The following GNAQ variants were observed in gnomAD, a reference collection of about 807,000 sequenced individuals.
GNAQ encodes the protein G protein subunit alpha q.
In GNAQ, 8 loss-of-function variants were observed where a neutral mutation model predicts 43.9. That is an observed-to-expected ratio of 0.18 (90% confidence interval 0.11 to 0.33). GNAQ has a LOEUF of 0.33. Among genes scored for constraint, GNAQ ranks in the 10% least tolerant of loss-of-function variants. The probability of loss-of-function intolerance (pLI) is 1.00; values close to 1 mark genes in which losing one functional copy is unlikely to be tolerated. For missense variants in GNAQ, 158 were observed against 450.8 expected (o/e 0.35, Z 5.88); for synonymous variants, 155 against 170.7 (o/e 0.91, Z 0.71).
intron 2 of GNAQ, 100 bp from the exon 3 acceptor site, chr9:77,815,870 C>G: frequency 1.4e-6 from 1 of 714,052 alleles, no homozygotes; most frequent in Non-Finnish European, 2.4e-6. Context: ...CACCTTCCTT[C>G]ATATACTGGT....
intron 1 of GNAQ, among the ~76,000 whole-genome samples, chr9:77,998,367 T>C (rs987635033): frequency 1.3e-5 from 2 of 152,262 alleles, no homozygotes; most frequent in Admixed American, 6.5e-5. Context: ...ATGGTTTCTA[T>C]GAAATACCCA....
At chr9:77,790,758 G>A (rs557565204) in intron 5 of GNAQ, among the ~76,000 whole-genome samples, 3 of 152,270 alleles carry the variant, frequency 2.0e-5, no homozygotes, top group African/African-American at 7.2e-5. Flanking sequence ...AAGCTGGTCT[G>A]GAAGGGCAGG....
chr9:77,772,524 AT>A lies in GNAQ; in HGVS notation c.735+21938del, dbSNP rs1201153663. Among the ~76,000 whole-genome samples the A allele has an allele frequency of 2.0e-5, 3 of 152,138 alleles. No individual in the cohort carries two copies. In the East Asian group the frequency reaches 5.8e-4, roughly 29 times the overall value. ...ACATCCCCTTTCGGTGGGATTTTCC[AT>A]TTTGGAGTGGAATAGAAACTCCCTT... is the stretch of plus-strand genomic sequence containing the variant. On this transcript the variant is annotated intron_variant, in intron 5 of 6. Transcript: ENST00000286548.
intron 1 of GNAQ, among the ~76,000 whole-genome samples, chr9:78,015,429 G>A (rs970725861): frequency 6.6e-6 from 1 of 152,146 alleles, no homozygotes; most frequent in Admixed American, 6.5e-5. Context: ...TTCTGGAATA[G>A]GAGAAATTGC....
intron 1 of GNAQ, among the ~76,000 whole-genome samples, chr9:77,924,245 T>C (rs76363443): frequency 6.6e-4 from 101 of 152,294 alleles, no homozygotes; most frequent in Non-Finnish European, 1.3e-3. Context: ...CATAAAGTGG[T>C]TGAAAACTAC....
intron 1 of GNAQ, among the ~76,000 whole-genome samples, chr9:78,011,245 T>C (rs1410529759): frequency 6.6e-6 from 1 of 152,090 alleles, no homozygotes; most frequent in Non-Finnish European, 1.5e-5. Flanking sequence ...CAGCTAAAAA[T>C]AGAATATATA....
At chr9:77,920,790 T>C (rs903173631) in intron 2 of GNAQ, among the ~76,000 whole-genome samples, 1 of 152,224 alleles carries the variant, frequency 6.6e-6, no homozygotes, top group African/African-American at 2.4e-5. Flanking sequence ...AAACCAGGTA[T>C]GAAAGTATCA....
At chr9:77,754,724 G>C (rs1484668739) in intron 5 of GNAQ, among the ~76,000 whole-genome samples, 1 of 152,196 alleles carries the variant, frequency 6.6e-6, no homozygotes, top group African/African-American at 2.4e-5. Flanking sequence ...GACCCAGACA[G>C]ACAATAACAA....
intron 1 of GNAQ, among the ~76,000 whole-genome samples, chr9:78,028,164 T>C (rs1189365275): frequency 6.6e-6 from 1 of 152,202 alleles, no homozygotes; most frequent in Non-Finnish European, 1.5e-5. Context: ...CTACATAGAA[T>C]ACAAAGAGTA....
chr9:77,729,940 G>T (rs1463464030), intron 5 of GNAQ, among the ~76,000 whole-genome samples: 1 of 152,180 alleles, frequency 6.6e-6, no homozygotes, highest in Admixed American at 6.5e-5. Context: ...ATTCAACTAG[G>T]CCAATTAACT....
chr9:77,760,311 A>AT (rs1458317350), intron 5 of GNAQ, among the ~76,000 whole-genome samples: 2 of 151,760 alleles, frequency 1.3e-5, no homozygotes, highest in Non-Finnish European at 2.9e-5. Flanking sequence ...TCCCTGCCTG[A>AT]TTCTCCTGCC....
chr9:77,977,225 C>T (rs1435086878), intron 1 of GNAQ, among the ~76,000 whole-genome samples: 2 of 152,128 alleles, frequency 1.3e-5, no homozygotes, highest in Non-Finnish European at 2.9e-5. Context: ...CTCTAGTTAG[C>T]TCCTTCCCTG....
intron 1 of GNAQ, among the ~76,000 whole-genome samples, chr9:77,947,602 A>G (rs1034555514): frequency 4.6e-5 from 7 of 152,222 alleles, no homozygotes; most frequent in African/African-American, 1.7e-4. Flanking sequence ...GCTATTACCC[A>G]TACATGCCCC....
At chr9:77,814,351 A>G (rs1403114630) in intron 3 of GNAQ, among the ~76,000 whole-genome samples, 1 of 152,120 alleles carries the variant, frequency 6.6e-6, no homozygotes, top group Non-Finnish European at 1.5e-5. Flanking sequence ...GAAGAACTAT[A>G]TGAAGGTATG....
chr9:77,994,042 G>A (rs973861972), intron 1 of GNAQ, among the ~76,000 whole-genome samples: 2 of 152,092 alleles, frequency 1.3e-5, no homozygotes, highest in Non-Finnish European at 2.9e-5. Context: ...TTTGAGACAA[G>A]GTCTTACTCT....
chr9:77,984,176 C>CT (rs563210374), intron 1 of GNAQ, among the ~76,000 whole-genome samples: 21,862 of 136,846 alleles, frequency 0.16, 1,785 homozygotes, highest in African/African-American at 0.17. Context: ...TTTTGCTTTT[C>CT]TTTTTTTTTT....
At chr9:77,797,468 T>C (rs2118454340) in intron 4 of GNAQ, 52 bp downstream of exon 4, 2 of 1,414,772 alleles carry the variant, frequency 1.4e-6, no homozygotes, top group Non-Finnish European at 2.0e-6. Context: ...GTTTACCAAA[T>C]GTACTCAAGG....
At chr9:77,768,897 G>T (rs1336175880) in intron 5 of GNAQ, among the ~76,000 whole-genome samples, 1 of 152,178 alleles carries the variant, frequency 6.6e-6, no homozygotes, top group Non-Finnish European at 1.5e-5. Flanking sequence ...TGGAGTTTCT[G>T]ACTGAGTAGT....
rs2118454757 is a variant in GNAQ, at chr9:77,797,505, G to T, written c.605+15C>A. The T allele has an allele frequency of 6.2e-7, 1 of 1,604,088 alleles. No homozygotes were observed. Among genetic ancestry groups the T allele is most frequent in the South Asian group, 1.1e-5 (1 of 90,806 alleles). ...ATAAAAGCTGGGAAATAGGTTTCAT[G>T]GACTCAGTTACTACCTGAAAATGAC... On this transcript the variant is annotated intron_variant, in intron 4 of 6. Transcript: ENST00000286548.
Sources: gnomAD v4.1 joint callset for allele counts (sites outside exome capture counted in the v4.1 genomes callset) on GRCh38, gnomAD v4.1.1 for gene constraint, MANE v1.5 for transcripts, NCBI Gene and HGNC (gene_info 2026-07-23, HGNC 2026-07-21) for gene names.